FGF13: variants seen among roughly 807,000 people sequenced by gnomAD.
The protein encoded by FGF13 is fibroblast growth factor 13, also known as fibroblast growth factor homologous factor 2.
FGF13 carries 2 observed loss-of-function variants against 19.5 expected under a neutral mutation model. The ratio of observed to expected loss-of-function variants is 0.10; its 90% CI spans 0.04 to 0.32. The LOEUF is 0.32. Ranked by LOEUF, FGF13 falls within the 10% of genes least tolerant of loss-of-function variation. The pLI is 1.00. For synonymous variants in FGF13, 72 were observed against 76.9 expected (o/e 0.94, Z 0.33); for missense variants, 113 against 192.7 (o/e 0.59, Z 2.45).
chrX:138,775,718 T>G (rs2090582596), intron 3 of FGF13, among the ~76,000 whole-genome samples: 1 of 112,671 alleles, frequency 8.9e-6, no homozygotes, highest in African/African-American at 3.2e-5. Flanking sequence ...CTTCTTTGTA[T>G]TCCTTTCCCA....
chrX:138,762,208 G>GT (rs113282107), intron 3 of FGF13, among the ~76,000 whole-genome samples: 5,404 of 110,809 alleles, frequency 0.049, 317 homozygotes, highest in African/African-American at 0.16. Flanking sequence ...ATGGTTTCAG[G>GT]AGCAACTTTA....
At chrX:138,855,880 T>C (rs1378957896), downstream of FGF13, among the ~76,000 whole-genome samples, 1 of 111,398 alleles carries the variant, frequency 9.0e-6, no homozygotes, top group Non-Finnish European at 1.9e-5. Context: ...CTTGAGCGAA[T>C]TTAACCAGCT....
intron 1 of FGF13, among the ~76,000 whole-genome samples, chrX:138,725,467 G>C (rs1005924201): frequency 1.8e-5 from 2 of 111,350 alleles, no homozygotes; most frequent in East Asian, 2.8e-4. Context: ...CTGGATCTAA[G>C]AGCCAGTGCA....
intron 1 of FGF13, among the ~76,000 whole-genome samples, chrX:138,900,598 C>G (rs1241261549): frequency 9.0e-6 from 1 of 111,518 alleles, no homozygotes; most frequent in Non-Finnish European, 1.9e-5. Context: ...AATATATCTC[C>G]CCTTCTGCAT....
intron 3 of FGF13, among the ~76,000 whole-genome samples, chrX:138,757,219 C>G (rs2090437029): frequency 9.0e-6 from 1 of 110,547 alleles, no homozygotes; most frequent in Non-Finnish European, 1.9e-5. Flanking sequence ...GCATTGATCA[C>G]TACTGCCTCA....
intron 3 of FGF13, among the ~76,000 whole-genome samples, chrX:138,680,572 G>T (rs942012644): frequency 1.8e-5 from 2 of 111,635 alleles, no homozygotes; most frequent in African/African-American, 6.5e-5. Context: ...ATTTTGAAAA[G>T]AATCTTTTTT....
At chrX:139,097,386 A>G (rs1314955849) in intron 1 of FGF13, among the ~76,000 whole-genome samples, 2 of 111,481 alleles carry the variant, frequency 1.8e-5, no homozygotes, top group Non-Finnish European at 3.8e-5. Context: ...ATTCAAAGCC[A>G]TCCTGGGCCA....
chrX:139,003,928 C>G (rs2092087229), intron 1 of FGF13, among the ~76,000 whole-genome samples: 1 of 112,799 alleles, frequency 8.9e-6, no homozygotes, highest in Non-Finnish European at 1.9e-5. Flanking sequence ...AGACTCTCCA[C>G]GTCCCCACCA....
At chrX:138,947,323 G>A (rs1030958026) in intron 1 of FGF13, among the ~76,000 whole-genome samples, 4 of 111,002 alleles carry the variant, frequency 3.6e-5, no homozygotes, top group African/African-American at 1.3e-4. Flanking sequence ...CCAGATAAAG[G>A]ATGCATGAGG....
At chrX:138,919,091 AC>A (rs1415361028) in intron 1 of FGF13, among the ~76,000 whole-genome samples, 1 of 112,051 alleles carries the variant, frequency 8.9e-6, no homozygotes, top group Non-Finnish European at 1.9e-5. Flanking sequence ...CACAAAAACC[AC>A]AAACCATAAA....
chrX:139,083,819 C>T (rs2083386234), intron 1 of FGF13, among the ~76,000 whole-genome samples: 1 of 110,808 alleles, frequency 9.0e-6, no homozygotes, highest in Admixed American at 9.6e-5. Context: ...TGCAGTAAGC[C>T]GAGATCCCGC....
At chrX:139,154,387 C>T (rs776865913) in intron 1 of FGF13, among the ~76,000 whole-genome samples, 1 of 111,581 alleles carries the variant, frequency 9.0e-6, no homozygotes, top group Non-Finnish European at 1.9e-5. Flanking sequence ...GATGGATTGA[C>T]CAACTCCAAA....
At chrX:138,899,494 C>A (rs1222375076) in intron 1 of FGF13, among the ~76,000 whole-genome samples, 1 of 111,078 alleles carries the variant, frequency 9.0e-6, no homozygotes, top group East Asian at 2.8e-4. Flanking sequence ...CAATTCTCTC[C>A]ATTTCTTGGG....
chrX:138,708,976 T>A, intron 1 of FGF13, 48 bp from the exon 2 acceptor site: 1 of 730,494 alleles, frequency 1.4e-6, no homozygotes, highest in Non-Finnish European at 2.0e-6. Flanking sequence ...TGTGCCTATG[T>A]AGTTGAAAAG....
At chrX:138,786,843 TTTCTACTTTTC>T (rs1316094223) in intron 3 of FGF13, among the ~76,000 whole-genome samples, 13 of 112,233 alleles carry the variant, frequency 1.2e-4, no homozygotes, top group Non-Finnish European at 1.3e-4. Context: ...CCATCATTAG[TTTCTACTTTTC>T]AGGTCACAAC....
intron 1 of FGF13, among the ~76,000 whole-genome samples, chrX:139,142,459 G>A (rs186387935): frequency 8.1e-5 from 9 of 111,753 alleles, no homozygotes; most frequent in Admixed American, 5.7e-4. Context: ...TTAAGTACAC[G>A]GCTTTTCAAA....
rs1324333826 is a variant in FGF13, at chrX:139,088,671, G to C, written c.-113+114745C>G. On this transcript the variant is annotated intron_variant, in intron 1 of 2. Coordinates refer to the FGF13 transcript ENST00000421460. Reference sequence around the variant, plus strand: ...CCCCTCTCACAATCTCCAATTCAGGGATAAAATGAGAAGGTTGACTGCTGT... The same window carrying C: ...CCCCTCTCACAATCTCCAATTCAGGCATAAAATGAGAAGGTTGACTGCTGT... 2.7e-5 allele frequency among the ~76,000 whole-genome samples: 3 copies of C among 111,675 alleles called. No homozygotes were observed. In the East Asian group the frequency reaches 8.4e-4, roughly 31 times the overall value.
intron 3 of FGF13, among the ~76,000 whole-genome samples, chrX:138,676,152 G>T (rs2089664148): frequency 9.0e-6 from 1 of 111,624 alleles, no homozygotes; most frequent in Non-Finnish European, 1.9e-5. Flanking sequence ...TAAAACCAAA[G>T]GGGGAAAAGC....
At chrX:139,156,905 G>A (rs2148251368) in intron 1 of FGF13, among the ~76,000 whole-genome samples, 1 of 111,741 alleles carries the variant, frequency 8.9e-6, no homozygotes, top group African/African-American at 3.3e-5. Context: ...AAACGCTAAG[G>A]AAACTAAGTA....
Sources: allele counts gnomAD v4.1 joint callset (sites outside exome capture counted in the v4.1 genomes callset), GRCh38; gene constraint gnomAD v4.1.1; transcripts MANE v1.5; gene names NCBI Gene and HGNC (gene_info 2026-07-23, HGNC 2026-07-21).